Variants in EFCAB11 observed in about 807,000 individuals in gnomAD.
EFCAB11 encodes the protein EF-hand calcium-binding domain-containing protein 11.
Under a neutral mutation model 23.0 loss-of-function variants are expected in EFCAB11, and 14 were observed. The ratio of observed to expected loss-of-function variants is 0.61; its 90% CI spans 0.40 to 0.95. The LOEUF is 0.95. Ranked by LOEUF, EFCAB11 falls within the 40% of genes least tolerant of loss-of-function variation. EFCAB11 has a pLI of 0.00. For missense variants in EFCAB11, 198 were observed against 195.8 expected (o/e 1.01, Z -0.07); for synonymous variants, 65 against 66.6 (o/e 0.98, Z 0.11).
rs372335998 is a variant in EFCAB11 at position 89,870,854 on chromosome 14, C to T, written c.410+60687G>A. Among the ~76,000 whole-genome samples, 184 of 151,942 alleles carry T rather than the reference C, an allele frequency of 1.2e-3. No individual in the cohort carries two copies. In the South Asian group the frequency reaches 0.014, roughly 12 times the overall value. ...ACTGGGGAGGCTGAGGCAGGAGAAC[C>T]GCTTGAACCCGGGAAGTGGAGGTTG... is the stretch of plus-strand genomic sequence containing the variant. On this transcript the variant is annotated intron_variant, in intron 5 of 5. Coordinates refer to ENST00000316738, the MANE Select transcript of EFCAB11 (RefSeq NM_145231.4).
At chr14:89,847,241 TC>T (rs1887458217) in intron 5 of EFCAB11, among the ~76,000 whole-genome samples, 1 of 152,208 alleles carries the variant, frequency 6.6e-6, no homozygotes, top group Admixed American at 6.5e-5. Flanking sequence ...CTGCTAATCA[TC>T]CCCTCTTTCT....
chr14:89,810,769 A>AG (rs1156895970), intron 5 of EFCAB11, among the ~76,000 whole-genome samples: 1 of 151,580 alleles, frequency 6.6e-6, no homozygotes, highest in Non-Finnish European at 1.5e-5. Context: ...AAAAAAAAAA[A>AG]AAAGAAATGG....
intron 5 of EFCAB11, among the ~76,000 whole-genome samples, chr14:89,828,542 C>A (rs1221723338): frequency 6.6e-6 from 1 of 152,132 alleles, no homozygotes; most frequent in East Asian, 1.9e-4. Context: ...ATGCTGAGTT[C>A]AGTTTAAAGC....
intron 5 of EFCAB11, chr14:89,924,564 A>C: frequency 6.5e-7 from 1 of 1,527,308 alleles, no homozygotes; most frequent in Non-Finnish European, 8.7e-7. Flanking sequence ...ATCCATGCAG[A>C]GAAAAATGCC....
intron 5 of EFCAB11, among the ~76,000 whole-genome samples, chr14:89,925,648 C>CTTTCTTTTTT (rs749910856): frequency 7.4e-6 from 1 of 134,710 alleles, no homozygotes; most frequent in African/African-American, 2.8e-5. Flanking sequence ...ATGTTTCTTT[C>CTTTCTTTTTT]TTTTTTTTTT....
intron 5 of EFCAB11, among the ~76,000 whole-genome samples, chr14:89,871,558 G>T (rs1316039160): frequency 6.6e-6 from 1 of 152,020 alleles, no homozygotes; most frequent in Non-Finnish European, 1.5e-5. Flanking sequence ...CTTATAAACA[G>T]GAAATGAAGC....
chr14:89,806,051 T>C (rs1023384749), intron 5 of EFCAB11, among the ~76,000 whole-genome samples: 7 of 152,186 alleles, frequency 4.6e-5, no homozygotes, highest in African/African-American at 1.4e-4. Flanking sequence ...TTGTGATTCT[T>C]AATGCACTGA....
chr14:89,886,833 G>A (rs1166765283), intron 5 of EFCAB11, among the ~76,000 whole-genome samples: 1 of 152,152 alleles, frequency 6.6e-6, no homozygotes, highest in Admixed American at 6.5e-5. Context: ...AATTCTCAGA[G>A]ACAGCCCAAA....
At chr14:89,856,378 C>T (rs1227740536) in intron 5 of EFCAB11, among the ~76,000 whole-genome samples, 1 of 151,812 alleles carries the variant, frequency 6.6e-6, no homozygotes. Flanking sequence ...TTTGTAGAGA[C>T]AGAGTTTCAC....
intron 5 of EFCAB11, among the ~76,000 whole-genome samples, chr14:89,866,353 C>T (rs773534637): frequency 6.6e-6 from 1 of 152,212 alleles, no homozygotes; most frequent in Non-Finnish European, 1.5e-5. Flanking sequence ...CAGGGCCACA[C>T]AGTAGAAGCT....
At chr14:89,859,100 G>A (rs1376496810) in intron 5 of EFCAB11, among the ~76,000 whole-genome samples, 1 of 152,130 alleles carries the variant, frequency 6.6e-6, no homozygotes, top group Non-Finnish European at 1.5e-5. Flanking sequence ...GTAAAAATCA[G>A]GCAAATAAAG....
intron 3 of EFCAB11, among the ~76,000 whole-genome samples, chr14:89,947,499 A>C (rs1566824796): frequency 6.6e-6 from 1 of 152,192 alleles, no homozygotes; most frequent in Non-Finnish European, 1.5e-5. Flanking sequence ...CTTTCCACTT[A>C]TCTTCAACCC....
At chr14:89,943,403 G>A (rs918074103) in intron 3 of EFCAB11, among the ~76,000 whole-genome samples, 5 of 151,718 alleles carry the variant, frequency 3.3e-5, no homozygotes, top group Admixed American at 1.3e-4. Context: ...CATCAGGCCT[G>A]GCTCATTTTT....
rs1434720825 is a variant in EFCAB11, at chr14:89,931,300, G to A, written c.410+241C>T. The stretch of plus-strand genomic sequence containing the variant: ...GTTCCTCTCCTGCCCCTACTCATAA[G>A]TGCTTGTATGCACCTGCCTGGTGTG... On this transcript the variant is annotated intron_variant, in intron 5 of 5. Transcript: ENST00000316738. 7 of 468,918 alleles carry A rather than the reference G, an allele frequency of 1.5e-5. No homozygotes were observed. In the East Asian group the frequency reaches 2.4e-4, roughly 16 times the overall value. 29.0% of individuals were successfully genotyped at this position (468,918 alleles called of 1,614,324 possible).
chr14:89,920,040 T>G (rs917668064), intron 5 of EFCAB11, among the ~76,000 whole-genome samples: 17 of 152,242 alleles, frequency 1.1e-4, no homozygotes, highest in Non-Finnish European at 1.9e-4. Context: ...GTTAAAATTA[T>G]GATAAAACTC....
intron 5 of EFCAB11, chr14:89,924,665 A>C: frequency 1.3e-6 from 2 of 1,535,888 alleles, no homozygotes; most frequent in Non-Finnish European, 1.7e-6. Flanking sequence ...TAAATCATGC[A>C]CTGAAAATGC....
At chr14:89,875,314 A>G (rs892484368) in intron 5 of EFCAB11, among the ~76,000 whole-genome samples, 2 of 152,170 alleles carry the variant, frequency 1.3e-5, no homozygotes, top group African/African-American at 2.4e-5. Context: ...ACCCACCCCC[A>G]TGATTCCATT....
intron 1 of EFCAB11, 38 bp downstream of exon 1, chr14:89,954,548 G>C: frequency 6.2e-7 from 1 of 1,609,410 alleles, no homozygotes; most frequent in South Asian, 1.1e-5. Context: ...CCCAGGCCAA[G>C]CTGAAGTCCG....
chr14:89,814,598 G>A (rs979154236), intron 5 of EFCAB11, among the ~76,000 whole-genome samples: 3 of 152,040 alleles, frequency 2.0e-5, no homozygotes, highest in Admixed American at 6.6e-5. Context: ...CAGCTACTCG[G>A]GAGGCTGAGG....
Sources: allele counts gnomAD v4.1 joint callset (sites outside exome capture counted in the v4.1 genomes callset), GRCh38; gene constraint gnomAD v4.1.1; transcripts MANE v1.5; gene names NCBI Gene and HGNC (gene_info 2026-07-23, HGNC 2026-07-21).